The following ACSL1 variants were observed in gnomAD, a reference collection of about 807,000 sequenced individuals.
The protein encoded by ACSL1 is acyl-CoA synthetase long chain family member 1.
A neutral mutation model predicts 98.4 loss-of-function variants in ACSL1; 41 were observed. The observed-to-expected ratio is 0.42, with a 90% CI of 0.32 to 0.54. The LOEUF (loss-of-function observed/expected upper bound fraction) is 0.54. Ranked by LOEUF, ACSL1 falls within the 20% of genes least tolerant of loss-of-function variation. The pLI is 0.13. For synonymous variants in ACSL1, 316 were observed against 322.7 expected, an observed-to-expected ratio of 0.98 and a Z score of 0.22; for missense variants, 734 against 883.1, an observed-to-expected ratio of 0.83 and a Z score of 2.14.
chr4:184,761,166 C>T lies in ACSL1; in HGVS notation c.1639-666G>A, dbSNP rs140132423. ...GAAAGTGTCTAGGGTTCTTTTGTTCCACACCAGTTCTCCATTTTCAAAAGG... is the reference window on the plus strand; with the variant it reads ...GAAAGTGTCTAGGGTTCTTTTGTTCTACACCAGTTCTCCATTTTCAAAAGG... On this transcript the variant is annotated intron_variant, in intron 17 of 20. Coordinates refer to ENST00000281455, the MANE Select transcript of ACSL1 (RefSeq NM_001995.5). Among the ~76,000 whole-genome samples the T allele has an allele frequency of 1.5e-3, 221 of 152,278 alleles. 4 individuals are homozygous for T. In the East Asian group the frequency reaches 0.04, roughly 28 times the overall value.
intron 10 of ACSL1, among the ~76,000 whole-genome samples, chr4:184,772,681 T>C (rs929849108): frequency 1.3e-5 from 2 of 152,316 alleles, no homozygotes; most frequent in Middle Eastern, 3.4e-3. Context: ...CAACAGATAA[T>C]AATCATTCAA....
chr4:184,774,638 C>G (rs922308869), intron 7 of ACSL1, among the ~76,000 whole-genome samples: 1 of 152,134 alleles, frequency 6.6e-6, no homozygotes, highest in Non-Finnish European at 1.5e-5. Flanking sequence ...TTAATTTTAA[C>G]AAATGAACTA....
rs1762968951 is a variant in ACSL1 at position 184,762,282 on chromosome 4, C to T, written c.1638+125G>A. 8 of 797,562 alleles carry T rather than the reference C, an allele frequency of 1.0e-5. No homozygotes were observed. In the South Asian group the frequency reaches 1.0e-4, roughly 10 times the overall value. 49.4% of individuals were successfully genotyped at this position (797,562 alleles called of 1,614,324 possible). A position where few individuals can be genotyped will look rare whatever the true frequency, so the allele number is the denominator to read the frequency against. On this transcript the variant is annotated intron_variant, in intron 17 of 20. Transcript: ENST00000281455. ...GGAACAGTCTACATCATACCACTCA[C>T]CAAGGAGGAAGGGAAAGAGAAAATT...
Position 184,788,730 on chromosome 4 carries a change from C to A in ACSL1, c.197G>T (p.Gly66Val). The change falls in exon 3 of 21, where the codon GGT becomes GTT. Residue 66 changes from glycine to valine, a missense_variant and splice_region_variant. Transcript: ENST00000281455. ...TGCGGATCTTCGTGCACCACCACTA[C>A]CCTATCAAAAAAGAAAGGGGGGCAG... ...DLSMQSVEVA[G>V]SGGARRSALL... is the part of the protein sequence containing the mutation. The A allele has an allele frequency of 6.2e-7, 1 of 1,613,852 alleles. No homozygotes were observed. The highest frequency in any genetic ancestry group is 1.1e-5 in the South Asian group (1 of 91,058).
At chr4:184,815,669 A>G (rs1382710733) in intron 1 of ACSL1, among the ~76,000 whole-genome samples, 2 of 152,156 alleles carry the variant, frequency 1.3e-5, no homozygotes, top group Non-Finnish European at 2.9e-5. Context: ...TCAGAGACTG[A>G]TAACCACAGA....
At chr4:184,826,135 G>A (rs1405841769), upstream of ACSL1, 3 of 133,854 alleles carry the variant, frequency 2.2e-5, no homozygotes, top group East Asian at 2.7e-4. Context: ...CCCCGCCCCC[G>A]GCAGGCCCCG....
At position 184,773,308 on chromosome 4, in the gene ACSL1, C is replaced by T. The variant is rs1303595908; in HGVS notation, c.842-154G>A. Reference sequence around the variant, plus strand: ...ACTAAATTCCTAAGCAACCTGCAATCCTTACACTGACTTATCTTTAAAAAC... The same window carrying T: ...ACTAAATTCCTAAGCAACCTGCAATTCTTACACTGACTTATCTTTAAAAAC... On this transcript the variant is annotated intron_variant, in intron 9 of 20. Coordinates refer to ENST00000281455, the MANE Select transcript of ACSL1 (RefSeq NM_001995.5). This position sits in a 1 kb window ranked among gnomAD's most constrained non-coding sequence, Gnocchi z 4.3. Among the ~76,000 whole-genome samples the T allele has an allele frequency of 1.3e-5, 2 of 152,186 alleles. No individual in the cohort carries two copies. The highest frequency in any genetic ancestry group is 2.4e-5 in the African/African-American group (1 of 41,440).
intron 2 of ACSL1, among the ~76,000 whole-genome samples, chr4:184,793,063 G>A (rs986974025): frequency 6.6e-6 from 1 of 152,060 alleles, no homozygotes; most frequent in African/African-American, 2.4e-5. Context: ...CAAGAAACAG[G>A]GCAAGCAAAG....
Position 184,764,941 on chromosome 4 carries a change from AT to A in ACSL1, c.1360-17del. ...CTTCATAAAACTGGGGCACCAAGAG[AT>A]GCAACATTATTAAGGAGAGCACAAT... On this transcript the variant is annotated splice_polypyrimidine_tract_variant and intron_variant, in intron 14 of 20. Transcript: ENST00000281455. 1 of 1,611,986 alleles carries A rather than the reference AT, an allele frequency of 6.2e-7. No individual in the cohort carries two copies. The highest frequency in any genetic ancestry group is 1.1e-5 in the South Asian group (1 of 90,762).
At chr4:184,763,684 G>T (rs2150279423) in intron 15 of ACSL1, among the ~76,000 whole-genome samples, 1 of 152,278 alleles carries the variant, frequency 6.6e-6, no homozygotes, top group East Asian at 1.9e-4. Context: ...CGCACCACCT[G>T]GTTCTGATCA....
intron 2 of ACSL1, among the ~76,000 whole-genome samples, chr4:184,790,784 C>T (rs760219862): frequency 2.6e-5 from 4 of 152,202 alleles, no homozygotes; most frequent in Non-Finnish European, 4.4e-5. Flanking sequence ...ATTACTTGTG[C>T]ACCCGATAAC....
intron 18 of ACSL1, among the ~76,000 whole-genome samples, chr4:184,760,126 A>G (rs552943009): frequency 7.5e-4 from 114 of 152,334 alleles, no homozygotes; most frequent in Non-Finnish European, 1.3e-3. Flanking sequence ...TCCCCTTGGT[A>G]CATCAGACCT....
intron 1 of ACSL1, among the ~76,000 whole-genome samples, chr4:184,813,432 T>C (rs1772319581): frequency 1.3e-5 from 2 of 152,202 alleles, no homozygotes; most frequent in Non-Finnish European, 2.9e-5. Context: ...AAAGATCCGC[T>C]TTTTAGGCTG....
chr4:184,811,227 G>T (rs371466162), intron 1 of ACSL1, among the ~76,000 whole-genome samples: 36 of 152,180 alleles, frequency 2.4e-4, no homozygotes, highest in African/African-American at 8.2e-4. Context: ...TCCCACCTCA[G>T]CCTCCGGAGT....
At chr4:184,814,761 A>T (rs1033847642) in intron 1 of ACSL1, among the ~76,000 whole-genome samples, 3 of 152,186 alleles carry the variant, frequency 2.0e-5, no homozygotes, top group African/African-American at 7.2e-5. Context: ...TCCTCAGAAC[A>T]GAATGACAGA....
chr4:184,805,292 A>G (rs566232167), intron 1 of ACSL1: 6 of 166,586 alleles, frequency 3.6e-5, no homozygotes, highest in Non-Finnish European at 7.4e-5. Context: ...TTTAAATTTA[A>G]TGGTCTCTGT....
At chr4:184,814,290 CAAAAA>C (rs61541962) in intron 1 of ACSL1, among the ~76,000 whole-genome samples, 2 of 64,550 alleles carry the variant, frequency 3.1e-5, no homozygotes, top group Non-Finnish European at 5.7e-5. Context: ...GACTCCGCCT[CAAAAA>C]AAAAAAAAAA....
chr4:184,779,420 CCT>C (rs2150343827), intron 5 of ACSL1, among the ~76,000 whole-genome samples: 1 of 152,318 alleles, frequency 6.6e-6, no homozygotes, highest in East Asian at 1.9e-4. Context: ...TCCAATTAAA[CCT>C]CTTTTTGTTC....
Position 184,766,030 on chromosome 4 carries a change from G to T in ACSL1, c.1264-44C>A. On this transcript the variant is annotated intron_variant, in intron 13 of 20. Transcript: ENST00000281455. The surrounding 1 kb of genome is among the most constrained non-coding windows in gnomAD (Gnocchi z 4.8). Reference sequence around the variant, plus strand: ...GGGAGAAGGTGAGGGTTACACACCTGGAAGTCGGCGGCCTCTCCGCCAAGG... The same window carrying T: ...GGGAGAAGGTGAGGGTTACACACCTTGAAGTCGGCGGCCTCTCCGCCAAGG... 1.9e-6 allele frequency: 3 copies of T among 1,587,416 alleles called. No homozygotes were observed. Among genetic ancestry groups the T allele is most frequent in the Middle Eastern group, 1.7e-4 (1 of 5,984 alleles).
Sources: gnomAD v4.1 joint callset for allele counts (sites outside exome capture counted in the v4.1 genomes callset) on GRCh38, gnomAD v4.1.1 for gene constraint, Gnocchi (gnomAD v3.1) non-coding constraint, MANE v1.5 for transcripts, NCBI Gene and HGNC (gene_info 2026-07-23, HGNC 2026-07-21) for gene names.